RFTN2: variants seen among roughly 807,000 people sequenced by gnomAD.
The protein encoded by RFTN2 is raftlin-2.
A neutral mutation model predicts 52.7 loss-of-function variants in RFTN2; 34 were observed. That is an observed-to-expected ratio of 0.64 (90% CI 0.49 to 0.86). The LOEUF (loss-of-function observed/expected upper bound fraction) is 0.86. Among genes scored for constraint, RFTN2 ranks in the 40% least tolerant of loss-of-function variants. RFTN2 has a pLI of 0.00. For synonymous variants in RFTN2, 203 were observed against 217.7 expected (o/e 0.93, Z 0.59); for missense variants, 536 against 600.1 (o/e 0.89, Z 1.12).
chr2:197,674,339 C>CAAA lies in RFTN2; in HGVS notation c.139+978_139+980dup, dbSNP rs1222944678. ...AAGATGCACTGTTTCTAGAGCAAAG[C>CAAA]AAAAAAAAAAAAAAAAAAAAAAAAG... On this transcript the variant is annotated intron_variant, in intron 1 of 8. Coordinates refer to ENST00000295049, the MANE Select transcript of RFTN2 (RefSeq NM_144629.3). Among the ~76,000 whole-genome samples the CAAA allele has an allele frequency of 9.8e-3, 336 of 34,248 alleles. 23 individuals carry two copies. The highest frequency in any genetic ancestry group is 0.016 in the East Asian group (14 of 890). The allele number at this position is 34,248 out of a possible 152,430, so 22.5% of individuals were successfully genotyped here.
chr2:197,590,447 TC>T, intron 8 of RFTN2, among the ~76,000 whole-genome samples: 1 of 152,126 alleles, frequency 6.6e-6, no homozygotes, highest in Non-Finnish European at 1.5e-5. Flanking sequence ...CTCCATAACT[TC>T]CGAAGAAAAA....
chr2:197,608,892 C>A (rs1361743419), intron 7 of RFTN2, among the ~76,000 whole-genome samples: 3 of 151,488 alleles, frequency 2.0e-5, no homozygotes, highest in African/African-American at 7.3e-5. Context: ...GTTTGGTTTT[C>A]TCTTCTTGTG....
At chr2:197,674,847 A>G (rs1483640479) in intron 1 of RFTN2, among the ~76,000 whole-genome samples, 2 of 151,954 alleles carry the variant, frequency 1.3e-5, no homozygotes, top group Non-Finnish European at 2.9e-5. Context: ...GGTCAAAAAT[A>G]TCAAATGACT....
intron 1 of RFTN2, among the ~76,000 whole-genome samples, chr2:197,661,696 T>C (rs886776396): frequency 2.0e-5 from 3 of 152,162 alleles, no homozygotes; most frequent in African/African-American, 7.2e-5. Context: ...TATTTTTAGT[T>C]TTTTGAGAAA....
chr2:197,650,659 G>T (rs1034599110), intron 1 of RFTN2, among the ~76,000 whole-genome samples: 13 of 152,078 alleles, frequency 8.5e-5, no homozygotes, highest in African/African-American at 2.9e-4. Context: ...ATATTCCATT[G>T]AATATATATA....
chr2:197,580,624 A>G (rs1192786026), intron 8 of RFTN2, among the ~76,000 whole-genome samples: 2 of 152,212 alleles, frequency 1.3e-5, no homozygotes, highest in Admixed American at 1.3e-4. Flanking sequence ...AGCCTCCTGG[A>G]CCATCACAGA....
chr2:197,587,306 A>G (rs541811268), intron 8 of RFTN2, among the ~76,000 whole-genome samples: 1 of 152,206 alleles, frequency 6.6e-6, no homozygotes, highest in South Asian at 2.1e-4. Context: ...CGCCGTCCCA[A>G]CACTTTACCA....
intron 7 of RFTN2, among the ~76,000 whole-genome samples, chr2:197,608,309 G>T (rs1312605836): frequency 7.2e-6 from 1 of 139,826 alleles, no homozygotes; most frequent in Non-Finnish European, 1.5e-5. Context: ...TTAGGGACCA[G>T]ATTTTTTTTT....
intron 3 of RFTN2, among the ~76,000 whole-genome samples, chr2:197,637,622 C>T (rs1395164070): frequency 6.6e-6 from 1 of 151,990 alleles, no homozygotes; most frequent in Non-Finnish European, 1.5e-5. Flanking sequence ...CTATTTGATT[C>T]TTCTCTCTTT....
chr2:197,626,849 A>T (rs1386470192), intron 5 of RFTN2, among the ~76,000 whole-genome samples: 2 of 151,724 alleles, frequency 1.3e-5, no homozygotes, highest in African/African-American at 4.8e-5. Context: ...CAAACTCCTG[A>T]CCTCGTAATC....
rs192653580 is a variant in RFTN2, at chr2:197,578,999, C to T, written c.1234-6719G>A. ...CTCTTTCTCCTTTCAATCTTGGTGC[C>T]ACCCTTCAATCTCTCCCTTCTCTTA... On this transcript the variant is annotated intron_variant, in intron 8 of 8. Coordinates refer to ENST00000295049, the MANE Select transcript of RFTN2 (RefSeq NM_144629.3). Among the ~76,000 whole-genome samples, 357 of 152,312 alleles carry T rather than the reference C, an allele frequency of 2.3e-3. 6 individuals are homozygous for T. Among genetic ancestry groups the T allele is most frequent in the Admixed American group, 0.021 (319 of 15,296 alleles).
chr2:197,608,379 T>C (rs1040038495), intron 7 of RFTN2, among the ~76,000 whole-genome samples: 4 of 151,430 alleles, frequency 2.6e-5, no homozygotes, highest in Admixed American at 6.6e-5. Context: ...TGGCATGATG[T>C]TGGCTCACTG....
chr2:197,582,599 T>C (rs530865554), intron 8 of RFTN2, among the ~76,000 whole-genome samples: 1 of 152,334 alleles, frequency 6.6e-6, no homozygotes, highest in Non-Finnish European at 1.5e-5. Flanking sequence ...ACTCATTGCC[T>C]TCACTCAAGC....
At chr2:197,573,159 G>A (rs2087347453) in intron 8 of RFTN2, among the ~76,000 whole-genome samples, 1 of 152,140 alleles carries the variant, frequency 6.6e-6, no homozygotes, top group East Asian at 1.9e-4. Context: ...CTTTGGAACT[G>A]GGTAGCATGC....
rs35798927 is a variant in RFTN2, at chr2:197,589,219, CAAAAAAAAAAAAAAAAAAA to C, written c.1233+6753_1233+6771del. The stretch of plus-strand genomic sequence containing the variant: ...CCTGGGTGACAGAGTGACTCTGTCT[CAAAAAAAAAAAAAAAAAAA>C]AAAAAAAAAAAAAAAGGAGTTCCCC... On this transcript the variant is annotated intron_variant, in intron 8 of 8. Transcript: ENST00000295049. 7.8e-4 allele frequency among the ~76,000 whole-genome samples: 26 copies of C among 33,540 alleles called. No individual in the cohort carries two copies. The South Asian group carries it at 8.0e-3, about 10-fold the overall frequency. The allele number at this position is 33,540 out of a possible 152,430, so 22.0% of individuals were successfully genotyped here.
At chr2:197,605,641 G>A (rs1412304193) in intron 7 of RFTN2, among the ~76,000 whole-genome samples, 1 of 152,190 alleles carries the variant, frequency 6.6e-6, no homozygotes, top group African/African-American at 2.4e-5. Flanking sequence ...CAAATAATCT[G>A]TGGTATTCAT....
chr2:197,604,222 A>G (rs1014325229), intron 7 of RFTN2, among the ~76,000 whole-genome samples: 1 of 152,206 alleles, frequency 6.6e-6, no homozygotes, highest in Non-Finnish European at 1.5e-5. Flanking sequence ...TCTGGTATTT[A>G]TCTAACAAAG....
At chr2:197,632,848 A>G (rs1414292296) in intron 4 of RFTN2, among the ~76,000 whole-genome samples, 1 of 152,242 alleles carries the variant, frequency 6.6e-6, no homozygotes, top group African/African-American at 2.4e-5. Context: ...GTGCTCCTCC[A>G]GTGCCAACAC....
intron 6 of RFTN2, 42 bp downstream of exon 6, chr2:197,617,758 T>A (rs2088169457): frequency 3.6e-6 from 3 of 835,866 alleles, no homozygotes; most frequent in Non-Finnish European, 4.9e-6. Flanking sequence ...ATATATTATA[T>A]TTATATATGT....
Sources: gnomAD v4.1 joint callset for allele counts (sites outside exome capture counted in the v4.1 genomes callset) on GRCh38, gnomAD v4.1.1 for gene constraint, MANE v1.5 for transcripts, NCBI Gene and HGNC (gene_info 2026-07-23, HGNC 2026-07-21) for gene names.